WDPCP: variants seen among roughly 807,000 people sequenced by gnomAD.
The protein encoded by WDPCP is WD repeat-containing and planar cell polarity effector protein fritz homolog.
In WDPCP, 71 loss-of-function variants were observed where a neutral mutation model predicts 93.1. The ratio of observed to expected loss-of-function variants is 0.76; its 90% CI spans 0.63 to 0.93. The LOEUF (loss-of-function observed/expected upper bound fraction) is 0.93, where lower values mean the gene tolerates loss of function less well. Among genes scored for constraint, WDPCP ranks in the 40% least tolerant of loss-of-function variants. The pLI is 0.00. For missense variants in WDPCP, 844 were observed against 887.4 expected (o/e 0.95, Z 0.62); for synonymous variants, 315 against 315.0 (o/e 1.00, Z 0.00).
intron 1 of WDPCP, among the ~76,000 whole-genome samples, chr2:63,815,738 A>C (rs1670923636): frequency 6.6e-6 from 1 of 152,208 alleles, no homozygotes; most frequent in Non-Finnish European, 1.5e-5. Flanking sequence ...TTAAATTCCA[A>C]AACAGTGGAA....
chr2:63,725,185 T>C (rs1482098718), intron 2 of WDPCP, among the ~76,000 whole-genome samples: 3 of 152,152 alleles, frequency 2.0e-5, no homozygotes, highest in Admixed American at 2.0e-4. Context: ...AGTTTTTTGA[T>C]GTTCAGCCTC....
At chr2:63,493,042 T>C in intron 1 of WDPCP, 102 bp from the exon 2 acceptor site, 1 of 1,002,438 alleles carries the variant, frequency 1.0e-6, no homozygotes, top group Non-Finnish European at 1.5e-6. Context: ...TCGCCACAAC[T>C]GTTATTTGAA....
intron 1 of WDPCP, among the ~76,000 whole-genome samples, chr2:63,817,031 A>G (rs1013694420): frequency 3.9e-5 from 6 of 152,038 alleles, no homozygotes; most frequent in Admixed American, 3.3e-4. Flanking sequence ...GAAATATTCT[A>G]TATCTTGATT....
intron 2 of WDPCP, among the ~76,000 whole-genome samples, chr2:63,722,772 G>A (rs1340359751): frequency 4.6e-5 from 7 of 151,830 alleles, no homozygotes; most frequent in African/African-American, 1.2e-4. Flanking sequence ...CAGCCGCCCC[G>A]TCTGGGAGGT....
chr2:63,202,822 AATCT>A (rs1676019573), intron 14 of WDPCP, among the ~76,000 whole-genome samples: 1 of 152,010 alleles, frequency 6.6e-6, no homozygotes. Context: ...ATTCTAAATC[AATCT>A]CTCATTCTTC....
chr2:63,681,022 C>T (rs1710486428), intron 2 of WDPCP, among the ~76,000 whole-genome samples: 4 of 151,984 alleles, frequency 2.6e-5, no homozygotes, highest in Admixed American at 1.3e-4. Context: ...AACCTTGGGC[C>T]CTGAAACCAG....
At chr2:63,450,960 T>C (rs1461646945) in intron 6 of WDPCP, among the ~76,000 whole-genome samples, 2 of 151,788 alleles carry the variant, frequency 1.3e-5, no homozygotes, top group Admixed American at 1.3e-4. Flanking sequence ...ATATAAAACC[T>C]CCAAAGAAAT....
At chr2:63,473,114 T>C (rs1351197105) in intron 6 of WDPCP, among the ~76,000 whole-genome samples, 2 of 152,200 alleles carry the variant, frequency 1.3e-5, no homozygotes, top group Non-Finnish European at 2.9e-5. Flanking sequence ...TGGGTAGGCT[T>C]GTTAACTTGA....
chr2:63,545,731 C>T (rs940877820), intron 1 of WDPCP, among the ~76,000 whole-genome samples: 1 of 151,922 alleles, frequency 6.6e-6, no homozygotes. Context: ...TCATGGACCA[C>T]AGTGTATTCT....
chr2:63,509,965 G>C (rs2106078671), intron 1 of WDPCP, among the ~76,000 whole-genome samples: 1 of 152,160 alleles, frequency 6.6e-6, no homozygotes, highest in Middle Eastern at 3.4e-3. Flanking sequence ...AAAAAGCCAA[G>C]GACCAGATGG....
At chr2:63,170,488 G>A (rs1432650773) in intron 15 of WDPCP, among the ~76,000 whole-genome samples, 4 of 151,848 alleles carry the variant, frequency 2.6e-5, no homozygotes, top group Non-Finnish European at 4.4e-5. Context: ...GGCCAGGCTG[G>A]TCTTGAACTC....
At chr2:63,203,906 A>C (rs576994277) in intron 14 of WDPCP, among the ~76,000 whole-genome samples, 19 of 152,336 alleles carry the variant, frequency 1.2e-4, no homozygotes, top group Non-Finnish European at 2.6e-4. Context: ...ATGGCTGAAT[A>C]GTATGCCATT....
At chr2:63,188,477 A>G (rs1674800076) in intron 14 of WDPCP, among the ~76,000 whole-genome samples, 1 of 151,184 alleles carries the variant, frequency 6.6e-6, no homozygotes. Context: ...TAGTTCACTT[A>G]TATTTTTCAG....
At chr2:63,668,977 C>T (rs1710315769) in intron 2 of WDPCP, among the ~76,000 whole-genome samples, 1 of 152,186 alleles carries the variant, frequency 6.6e-6, no homozygotes. Context: ...GGAACTACTG[C>T]CAGCATGCTT....
chr2:63,395,264 C>G (rs1435293044), intron 10 of WDPCP, among the ~76,000 whole-genome samples: 1 of 151,980 alleles, frequency 6.6e-6, no homozygotes, highest in Non-Finnish European at 1.5e-5. Flanking sequence ...TTTAGGGATA[C>G]AAGTGCAGTT....
chr2:63,453,817 C>CA (rs1362267260), intron 6 of WDPCP, among the ~76,000 whole-genome samples: 1 of 151,494 alleles, frequency 6.6e-6, no homozygotes, highest in Non-Finnish European at 1.5e-5. Flanking sequence ...AGCAGGAAAC[C>CA]ATCATTCTCA....
chr2:63,228,944 A>G (rs1227232104), intron 14 of WDPCP: 6 of 152,236 alleles, frequency 3.9e-5, no homozygotes, highest in South Asian at 2.1e-4. Context: ...TTGGGTATAT[A>G]CCCAGTAATG....
intron 12 of WDPCP, among the ~76,000 whole-genome samples, chr2:63,373,253 TG>T (rs1228496338): frequency 9.4e-6 from 1 of 106,332 alleles, no homozygotes; most frequent in African/African-American, 3.4e-5. Context: ...ATTTTTTTGT[TG>T]TTTTTTTTTT....
intron 17 of WDPCP, among the ~76,000 whole-genome samples, chr2:63,132,131 C>T (rs536450935): frequency 7.9e-5 from 12 of 152,098 alleles, no homozygotes; most frequent in South Asian, 4.2e-4. Context: ...CCATCACACC[C>T]GGCCCAGTTG....
Sources: gnomAD v4.1 joint callset for allele counts (sites outside exome capture counted in the v4.1 genomes callset) on GRCh38, gnomAD v4.1.1 for gene constraint, MANE v1.5 for transcripts, NCBI Gene and HGNC (gene_info 2026-07-23, HGNC 2026-07-21) for gene names.